The following ZRANB2 variants were observed in gnomAD, a reference collection of about 807,000 sequenced individuals.
ZRANB2 encodes zinc finger RANBP2-type containing 2.
ZRANB2 carries 19 observed loss-of-function variants against 53.4 expected under a neutral mutation model. The ratio of observed to expected loss-of-function variants is 0.36; its 90% CI spans 0.25 to 0.52. ZRANB2 has a LOEUF of 0.52. Among genes scored for constraint, ZRANB2 ranks in the 20% least tolerant of loss-of-function variants. ZRANB2 has a pLI of 0.93. For missense variants in ZRANB2, 309 were observed against 401.1 expected (o/e 0.77, Z 1.96); for synonymous variants, 145 against 134.8 (o/e 1.08, Z -0.52).
At chr1:71,070,386 A>G (rs1159943832) in intron 7 of ZRANB2, among the ~76,000 whole-genome samples, 1 of 152,194 alleles carries the variant, frequency 6.6e-6, no homozygotes, top group Non-Finnish European at 1.5e-5. Context: ...CGTTATTCAC[A>G]ATACTGATAT....
In ZRANB2 at chr1:71,077,024, T is replaced by C. The variant is rs111870446; in HGVS notation, c.219-147A>G. ...AGTGGTAATGTAAACAAAGAAAATG[T>C]ACAGTGGCCTGAAGAGTAAATGTGG... On this transcript the variant is annotated intron_variant, in intron 3 of 9. Transcript: ENST00000370920. The C allele has an allele frequency of 7.5e-6, 5 of 669,838 alleles. No individual in the cohort carries two copies. The African/African-American group carries it at 9.1e-5, about 12-fold the overall frequency. The allele number at this position is 669,838 out of a possible 1,614,324, so 41.5% of individuals were successfully genotyped here.
At chr1:71,073,552 AC>A (rs1303136997) in intron 4 of ZRANB2, among the ~76,000 whole-genome samples, 5 of 151,922 alleles carry the variant, frequency 3.3e-5, no homozygotes, top group Non-Finnish European at 5.9e-5. Context: ...TCTGAAAAAA[AC>A]CCACACTAAT....
chr1:71,070,814 T>G lies in ZRANB2; in HGVS notation c.683+13A>C. ...ATTTTGACTGGTGTTACCCTTGACC[T>G]GTACCCGTTTACCTGGACCTAGACC... is the stretch of plus-strand genomic sequence containing the variant. On this transcript the variant is annotated intron_variant, in intron 7 of 9. Transcript: ENST00000370920. 1 of 1,510,204 alleles carries G rather than the reference T, an allele frequency of 6.6e-7. No homozygotes were observed. Among genetic ancestry groups the G allele is most frequent in the Non-Finnish European group, 8.9e-7 (1 of 1,122,786 alleles). 93.6% of individuals were successfully genotyped at this position (1,510,204 alleles called of 1,614,324 possible).
chr1:71,069,433 G>GA (rs1661546548), intron 7 of ZRANB2, 71 bp from the exon 8 acceptor site: 1 of 1,108,324 alleles, frequency 9.0e-7, no homozygotes, highest in Non-Finnish European at 1.4e-6. Flanking sequence ...AACACTGAAA[G>GA]AAAGATATGT....
rs745739117 is a variant in ZRANB2, at chr1:71,070,808, T to G, written c.683+19A>C. The G allele has an allele frequency of 3.4e-6, 5 of 1,486,528 alleles. No individual in the cohort carries two copies. The highest frequency in any genetic ancestry group is 4.5e-6 in the Non-Finnish European group (5 of 1,107,684). 92.1% of individuals were successfully genotyped at this position (1,486,528 alleles called of 1,614,324 possible). ...ACTGACATTTTGACTGGTGTTACCCTTGACCTGTACCCGTTTACCTGGACC... is the reference window on the plus strand; with the variant it reads ...ACTGACATTTTGACTGGTGTTACCCGTGACCTGTACCCGTTTACCTGGACC... On this transcript the variant is annotated intron_variant, in intron 7 of 9. Coordinates refer to ENST00000370920, the MANE Select transcript of ZRANB2 (RefSeq NM_203350.3).
At chr1:71,068,731 T>C (rs1025989253) in intron 8 of ZRANB2, among the ~76,000 whole-genome samples, 6 of 152,212 alleles carry the variant, frequency 3.9e-5, no homozygotes, top group African/African-American at 1.4e-4. Context: ...TTATTTTTCT[T>C]CCTTTTAATA....
intron 4 of ZRANB2, among the ~76,000 whole-genome samples, chr1:71,075,335 T>C (rs1167237668): frequency 6.6e-6 from 1 of 152,118 alleles, no homozygotes; most frequent in Non-Finnish European, 1.5e-5. Flanking sequence ...TTCCAGCTTA[T>C]GTAATAAATG....
intron 1 of ZRANB2, 143 bp downstream of exon 1, chr1:71,080,797 T>C: frequency 1.1e-6 from 1 of 926,560 alleles, no homozygotes; most frequent in Admixed American, 1.9e-5. Flanking sequence ...ATTGGGAGCC[T>C]TCTTCCCGCC....
intron 9 of ZRANB2, 105 bp downstream of exon 9, chr1:71,066,671 C>A: frequency 8.3e-7 from 1 of 1,206,432 alleles, no homozygotes; most frequent in South Asian, 1.6e-5. Flanking sequence ...AGTAGAAAGT[C>A]GGAACACAAG....
chr1:71,078,180 A>C (rs1165516057), intron 3 of ZRANB2, among the ~76,000 whole-genome samples: 1 of 152,202 alleles, frequency 6.6e-6, no homozygotes, highest in Non-Finnish European at 1.5e-5. Context: ...AGTACTTTTA[A>C]GTACCACCAC....
At chr1:71,073,564 A>G (rs1196870844) in intron 4 of ZRANB2, among the ~76,000 whole-genome samples, 3 of 152,004 alleles carry the variant, frequency 2.0e-5, no homozygotes, top group Non-Finnish European at 4.4e-5. Context: ...CCACACTAAT[A>G]TAGCATCTTT....
intron 4 of ZRANB2, among the ~76,000 whole-genome samples, chr1:71,076,499 C>A (rs1289411782): frequency 1.3e-5 from 2 of 152,176 alleles, no homozygotes; most frequent in Admixed American, 6.5e-5. Context: ...ATCATTATAT[C>A]ATTACTAATA....
chr1:71,065,188 C>T lies in ZRANB2; in HGVS notation c.930-51G>A, dbSNP rs113395401. On this transcript the variant is annotated intron_variant, in intron 9 of 9. Transcript: ENST00000370920. ...GCATTCTAGTAAGCTAGAGCTAAAT[C>T]TCAGCATTCATTCTTAAGACTGTGA... 1,943 of 1,414,546 alleles carry T rather than the reference C, an allele frequency of 1.4e-3. 26 individuals carry two copies. In the African/African-American group the frequency reaches 0.025, roughly 19 times the overall value. The allele number at this position is 1,414,546 out of a possible 1,614,324, so 87.6% of individuals were successfully genotyped here. A position where few individuals can be genotyped will look rare whatever the true frequency, so the allele number is the denominator to read the frequency against.
chr1:71,070,815 G>T lies in ZRANB2; in HGVS notation c.683+12C>A. The T allele has an allele frequency of 6.6e-7, 1 of 1,517,406 alleles. No individual in the cohort carries two copies. Among genetic ancestry groups the T allele is most frequent in the African/African-American group, 1.4e-5 (1 of 71,870 alleles). 94.0% of individuals were successfully genotyped at this position (1,517,406 alleles called of 1,614,324 possible). On this transcript the variant is annotated intron_variant, in intron 7 of 9. Transcript: ENST00000370920. ...TTTTGACTGGTGTTACCCTTGACCT[G>T]TACCCGTTTACCTGGACCTAGACCT...
chr1:71,069,410 G>A (rs913365378), intron 7 of ZRANB2, 48 bp from the exon 8 acceptor site: 1 of 1,436,628 alleles, frequency 7.0e-7, no homozygotes, highest in South Asian at 1.2e-5. Context: ...ATTTAATTGA[G>A]CTTTGTGATA....
rs1039721821 is a variant in ZRANB2 at position 71,064,999 on chromosome 1, A to G, written c.*75T>C. ...CTAGCAGATTTAGCACTTCTGACCAAGTAAGACACCAACTTCTTTAAAAAT... is the reference window on the plus strand; with the variant it reads ...CTAGCAGATTTAGCACTTCTGACCAGGTAAGACACCAACTTCTTTAAAAAT... On this transcript the variant is annotated 3_prime_UTR_variant, in exon 10 of 10. Transcript: ENST00000370920. 25 of 1,094,290 alleles carry G rather than the reference A, an allele frequency of 2.3e-5. No individual in the cohort carries two copies. Among genetic ancestry groups the G allele is most frequent in the Non-Finnish European group, 3.2e-5 (24 of 740,374 alleles). The allele number at this position is 1,094,290 out of a possible 1,614,324, so 67.8% of individuals were successfully genotyped here. A position where few individuals can be genotyped will look rare whatever the true frequency, so the allele number is the denominator to read the frequency against.
intron 4 of ZRANB2, among the ~76,000 whole-genome samples, chr1:71,075,459 T>A (rs753584790): frequency 6.6e-6 from 1 of 152,168 alleles, no homozygotes; most frequent in South Asian, 2.1e-4. Flanking sequence ...CATGGCAATG[T>A]TGAATAGGCA....
intron 8 of ZRANB2, among the ~76,000 whole-genome samples, chr1:71,068,320 T>C (rs1454198145): frequency 2.6e-5 from 4 of 152,256 alleles, no homozygotes; most frequent in Non-Finnish European, 4.4e-5. Flanking sequence ...AATATGAATT[T>C]CCACAAATAT....
chr1:71,072,282 T>C (rs1661611068), intron 5 of ZRANB2, 27 bp from the exon 6 acceptor site: 3 of 1,593,868 alleles, frequency 1.9e-6, no homozygotes, highest in Non-Finnish European at 2.6e-6. Flanking sequence ...TCAAAATGCT[T>C]GTCAGCTGAT....
Sources: allele counts gnomAD v4.1 joint callset (sites outside exome capture counted in the v4.1 genomes callset), GRCh38; gene constraint gnomAD v4.1.1; transcripts MANE v1.5; gene names NCBI Gene and HGNC (gene_info 2026-07-23, HGNC 2026-07-21).